Variants in AR observed in about 807,000 individuals in gnomAD.
AR encodes dihydrotestosterone receptor.
In AR, 8 loss-of-function variants were observed where a neutral mutation model predicts 53.9. The ratio of observed to expected loss-of-function variants is 0.15; its 90% CI spans 0.09 to 0.27. The LOEUF (loss-of-function observed/expected upper bound fraction) is 0.27. Among genes scored for constraint, AR ranks in the 10% least tolerant of loss-of-function variants. The pLI, the probability that AR is intolerant of heterozygous loss-of-function variation, is 1.00. For missense variants in AR, 639 were observed against 742.5 expected (o/e 0.86, Z 1.62); for synonymous variants, 359 against 316.4 (o/e 1.13, Z -1.43).
intron 1 of AR, among the ~76,000 whole-genome samples, chrX:67,562,989 A>G (rs1267650585): frequency 1.8e-5 from 2 of 112,198 alleles, no homozygotes; most frequent in Non-Finnish European, 3.8e-5. Context: ...GCTGAATCAC[A>G]TAAATAGTAA....
chrX:67,695,701 C>T (rs2076016450), intron 3 of AR: 1 of 750,402 alleles, frequency 1.3e-6, no homozygotes, highest in Non-Finnish European at 1.6e-6. Context: ...CCTGACTTGC[C>T]TGGGGCCTGT....
intron 5 of AR, among the ~76,000 whole-genome samples, chrX:67,719,327 A>C (rs1026636231): frequency 5.3e-5 from 6 of 112,166 alleles, no homozygotes; most frequent in Non-Finnish European, 9.4e-5. Context: ...TAAGCAGTTG[A>C]ATCAACTCCA....
At chrX:67,661,190 T>C (rs1926890753) in intron 2 of AR, among the ~76,000 whole-genome samples, 1 of 111,458 alleles carries the variant, frequency 9.0e-6, no homozygotes, top group Admixed American at 9.6e-5. Flanking sequence ...CTTTTCCTAA[T>C]TGAATGCCCT....
chrX:67,712,850 T>A (rs1039358785), intron 4 of AR, among the ~76,000 whole-genome samples: 1 of 112,644 alleles, frequency 8.9e-6, no homozygotes, highest in Non-Finnish European at 1.9e-5. Context: ...TAACTGCCAT[T>A]CAGGTAGAAA....
At chrX:67,650,282 G>C (rs1192743268) in intron 2 of AR, among the ~76,000 whole-genome samples, 2 of 112,034 alleles carry the variant, frequency 1.8e-5, no homozygotes, top group Admixed American at 1.9e-4. Flanking sequence ...TAAAGCTGGA[G>C]GTATCAAGCT....
At chrX:67,555,996 T>C (rs938216230) in intron 1 of AR, among the ~76,000 whole-genome samples, 2 of 112,614 alleles carry the variant, frequency 1.8e-5, no homozygotes, top group Non-Finnish European at 3.7e-5. Flanking sequence ...ATTTTGACTT[T>C]TTAATACCTT....
chrX:67,664,855 T>C (rs1034079406), intron 2 of AR, among the ~76,000 whole-genome samples: 1 of 112,601 alleles, frequency 8.9e-6, no homozygotes, highest in African/African-American at 3.2e-5. Flanking sequence ...CCTTGCAGTT[T>C]GGTCTCAGAC....
Position 67,679,016 on chromosome X carries a change from A to G in AR, c.1769-6994A>G, listed in dbSNP as rs964404934. Among the ~76,000 whole-genome samples, 4 of 111,407 alleles carry G rather than the reference A, an allele frequency of 3.6e-5. No homozygotes were observed. The Admixed American group carries it at 3.8e-4, about 11-fold the overall frequency. ...ATGTATTATATGTCTCAGTATTGCT[A>G]AAAGAGTAAATTTAAATATTCTAAC... is the stretch of plus-strand genomic sequence containing the variant. On this transcript the variant is annotated intron_variant, in intron 2 of 7. Transcript: ENST00000374690.
intron 1 of AR, among the ~76,000 whole-genome samples, chrX:67,611,115 C>A (rs1171397024): frequency 9.0e-6 from 1 of 111,519 alleles, no homozygotes; most frequent in Non-Finnish European, 1.9e-5. Flanking sequence ...CATACTTTTG[C>A]ATGTATAGCA....
At chrX:67,686,260 C>A (rs1355031175) in intron 3 of AR, 134 bp downstream of exon 3, 17 of 719,673 alleles carry the variant, frequency 2.4e-5, no homozygotes, top group Admixed American at 5.7e-5. Context: ...ACAGGCTGAC[C>A]CTTTCATAGG....
At chrX:67,692,401 G>C (rs1191624940) in intron 3 of AR, among the ~76,000 whole-genome samples, 4 of 112,444 alleles carry the variant, frequency 3.6e-5, no homozygotes, top group African/African-American at 1.3e-4. Context: ...GTGCACCAAG[G>C]AGCAGAATTA....
chrX:67,665,743 C>A (rs1305877963), intron 2 of AR, among the ~76,000 whole-genome samples: 1 of 111,540 alleles, frequency 9.0e-6, no homozygotes, highest in East Asian at 2.8e-4. Context: ...GTGACCTGAC[C>A]CATTTTTGGA....
At chrX:67,653,668 G>A (rs73633120) in intron 2 of AR, among the ~76,000 whole-genome samples, 249 of 111,201 alleles carry the variant, frequency 2.2e-3, no homozygotes, top group African/African-American at 7.7e-3. Context: ...TGCTCCCTCC[G>A]CATGCTGAGC....
chrX:67,546,494 T>TGTG lies in AR; in HGVS notation c.1359_1361dup (p.Gly473dup), dbSNP rs752570661. On this transcript the variant is annotated inframe_insertion, in exon 1 of 8. Transcript: ENST00000374690. ...CGAAGAAGGCCAGTTGTATGGACCGTGTGGTGGTGGTGGGGGTGGTGGCGG... is the reference window on the plus strand; with the variant it reads ...CGAAGAAGGCCAGTTGTATGGACCGTGTGGTGGTGGTGGTGGGGGTGGTGGCGG... The TGTG allele has an allele frequency of 3.3e-6, 3 of 915,941 alleles. No homozygotes were observed. Among genetic ancestry groups the TGTG allele is most frequent in the Non-Finnish European group, 4.4e-6 (3 of 678,446 alleles). 75.5% of individuals were successfully genotyped at this position (915,941 alleles called of 1,213,427 possible). A position where few individuals can be genotyped will look rare whatever the true frequency, so the allele number is the denominator to read the frequency against.
chrX:67,677,648 G>C (rs2075908574), intron 2 of AR, among the ~76,000 whole-genome samples: 1 of 111,653 alleles, frequency 9.0e-6, no homozygotes, highest in South Asian at 3.8e-4. Context: ...AATAAATATG[G>C]AAATGATTTC....
intron 3 of AR, among the ~76,000 whole-genome samples, chrX:67,706,406 T>G (rs759793954): frequency 8.9e-6 from 1 of 112,270 alleles, no homozygotes; most frequent in South Asian, 3.7e-4. Context: ...ATTTATCCAT[T>G]TCTTCTAGAT....
intron 1 of AR, among the ~76,000 whole-genome samples, chrX:67,560,785 AG>A (rs1157913358): frequency 9.0e-6 from 1 of 111,332 alleles, no homozygotes; most frequent in African/African-American, 3.3e-5. Flanking sequence ...TTGACCTTGA[AG>A]GCTATCCCAA....
At chrX:67,635,037 G>A (rs1158707514) in intron 1 of AR, among the ~76,000 whole-genome samples, 5 of 83,142 alleles carry the variant, frequency 6.0e-5, no homozygotes, top group Non-Finnish European at 1.1e-4. Flanking sequence ...CAACCCCTAT[G>A]CCCTACACCC....
intron 4 of AR, among the ~76,000 whole-genome samples, chrX:67,715,227 G>T (rs1228476612): frequency 9.0e-6 from 1 of 110,834 alleles, no homozygotes; most frequent in Non-Finnish European, 1.9e-5. Context: ...AGAGATCCTT[G>T]GTTGCTACAT....
Sources: gnomAD v4.1 joint callset for allele counts (sites outside exome capture counted in the v4.1 genomes callset) on GRCh38, gnomAD v4.1.1 for gene constraint, MANE v1.5 for transcripts, NCBI Gene and HGNC (gene_info 2026-07-23, HGNC 2026-07-21) for gene names.